Variants in ZC3H12B observed in about 807,000 individuals in gnomAD.
ZC3H12B encodes the protein zinc finger CCCH-type containing 12B.
ZC3H12B carries 7 observed loss-of-function variants against 43.9 expected under a neutral mutation model. The observed-to-expected ratio is 0.16, with a 90% CI of 0.09 to 0.30. ZC3H12B has a LOEUF of 0.30. Among genes scored for constraint, ZC3H12B ranks in the 10% least tolerant of loss-of-function variants. The probability of loss-of-function intolerance (pLI) is 1.00; values close to 1 mark genes in which losing one functional copy is unlikely to be tolerated. For synonymous variants in ZC3H12B, 222 were observed against 241.7 expected, an observed-to-expected ratio of 0.92 and a Z score of 0.76; for missense variants, 475 against 670.2, an observed-to-expected ratio of 0.71 and a Z score of 3.22.
chrX:65,183,592 T>A, the ZC3H12B span, among the ~76,000 whole-genome samples: 1 of 112,112 alleles, frequency 8.9e-6, no homozygotes, highest in Non-Finnish European at 1.9e-5. Context: ...AACAGTCTTA[T>A]GGTTGTGGAA....
At chrX:65,320,382 C>G in the ZC3H12B span, among the ~76,000 whole-genome samples, 1 of 111,402 alleles carries the variant, frequency 9.0e-6, no homozygotes, top group Non-Finnish European at 1.9e-5. Flanking sequence ...AAACACTGTT[C>G]AAAGGAATCA....
chrX:65,486,667 A>G (rs1327508711), upstream of ZC3H12B, among the ~76,000 whole-genome samples: 1 of 112,528 alleles, frequency 8.9e-6, no homozygotes, highest in Non-Finnish European at 1.9e-5. Flanking sequence ...CTTCCACAAT[A>G]ATAACAAGTA....
intron 2 of ZC3H12B, among the ~76,000 whole-genome samples, chrX:65,386,486 G>A (rs1212646964): frequency 9.0e-6 from 1 of 111,519 alleles, no homozygotes; most frequent in Non-Finnish European, 1.9e-5. Context: ...TGGTATCAGT[G>A]GTGATATCCC....
At chrX:65,090,203 G>A in the ZC3H12B span, among the ~76,000 whole-genome samples, 15 of 111,917 alleles carry the variant, frequency 1.3e-4, no homozygotes, top group Admixed American at 3.8e-4. Context: ...AATGCCTTGT[G>A]CTACATTGTT....
chrX:65,489,381 G>T, exon 1 of ZC3H12B: 1 of 1,202,261 alleles, frequency 8.3e-7, no homozygotes, highest in Non-Finnish European at 1.1e-6. Context: ...GAGGCCAGTT[G>T]TCATTGATGG....
At chrX:65,243,659 T>G in the ZC3H12B span, among the ~76,000 whole-genome samples, 1 of 112,167 alleles carries the variant, frequency 8.9e-6, no homozygotes. Context: ...ATTCAAGAGA[T>G]ATCTGCACTT....
At chrX:65,412,600 T>C (rs1342830992) in intron 3 of ZC3H12B, among the ~76,000 whole-genome samples, 1 of 111,113 alleles carries the variant, frequency 9.0e-6, no homozygotes, top group Non-Finnish European at 1.9e-5. Context: ...CCCAAGTAGC[T>C]GGGACTGCGG....
the ZC3H12B span, among the ~76,000 whole-genome samples, chrX:65,299,192 T>C: frequency 8.9e-6 from 1 of 112,334 alleles, no homozygotes; most frequent in African/African-American, 3.2e-5. Context: ...GGTTGACTAG[T>C]GAATTTTCCC....
the ZC3H12B span, among the ~76,000 whole-genome samples, chrX:65,301,777 A>G: frequency 9.0e-6 from 1 of 111,349 alleles, no homozygotes; most frequent in Admixed American, 9.5e-5. Context: ...TGATGGGTGC[A>G]CCAAAATCTC....
the ZC3H12B span, among the ~76,000 whole-genome samples, chrX:65,113,233 A>G: frequency 8.9e-6 from 1 of 111,836 alleles, no homozygotes; most frequent in Admixed American, 9.5e-5. Context: ...GTTGCTTCTT[A>G]TGGCTCAGCA....
At chrX:65,414,289 G>C (rs1425681793) in intron 3 of ZC3H12B, among the ~76,000 whole-genome samples, 4 of 110,388 alleles carry the variant, frequency 3.6e-5, no homozygotes, top group Admixed American at 9.7e-5. Flanking sequence ...GGAAGGGTTT[G>C]AGAAGTATTG....
the ZC3H12B span, among the ~76,000 whole-genome samples, chrX:65,161,359 G>A: frequency 2.7e-5 from 3 of 111,232 alleles, no homozygotes; most frequent in Admixed American, 9.6e-5. Flanking sequence ...GTTGACAGTG[G>A]GGTGTTAAAA....
chrX:65,320,064 G>A, the ZC3H12B span, among the ~76,000 whole-genome samples: 1 of 111,337 alleles, frequency 9.0e-6, no homozygotes, highest in South Asian at 3.8e-4. Flanking sequence ...AATCAGGCAA[G>A]AGAAAGACAT....
the ZC3H12B span, among the ~76,000 whole-genome samples, chrX:65,095,844 G>T: frequency 9.0e-6 from 1 of 110,757 alleles, no homozygotes; most frequent in Non-Finnish European, 1.9e-5. Context: ...AGTGCAGGGG[G>T]CCATGCTCAT....
the ZC3H12B span, among the ~76,000 whole-genome samples, chrX:65,248,868 T>C: frequency 8.9e-6 from 1 of 112,320 alleles, no homozygotes; most frequent in South Asian, 3.7e-4. Context: ...GTTGGTCATT[T>C]GTATATATTC....
At chrX:65,229,543 T>C in the ZC3H12B span, among the ~76,000 whole-genome samples, 1 of 111,075 alleles carries the variant, frequency 9.0e-6, no homozygotes, top group Non-Finnish European at 1.9e-5. Flanking sequence ...TGGGATCCAA[T>C]TAAACTAAAG....
chrX:65,348,237 A>T, the ZC3H12B span, among the ~76,000 whole-genome samples: 3 of 112,386 alleles, frequency 2.7e-5, no homozygotes, highest in African/African-American at 9.7e-5. Context: ...TAATTAAAAA[A>T]TAATCAAAAA....
intron 3 of ZC3H12B, among the ~76,000 whole-genome samples, chrX:65,481,277 G>A (rs920878745): frequency 9.0e-6 from 1 of 111,639 alleles, no homozygotes; most frequent in African/African-American, 3.3e-5. Context: ...TATTCCCCTA[G>A]CATTTATAAA....
chrX:65,301,679 G>T, the ZC3H12B span, among the ~76,000 whole-genome samples: 1 of 111,170 alleles, frequency 9.0e-6, no homozygotes. Context: ...GCATAAGAAT[G>T]ATACCATGGA....
Sources: allele counts gnomAD v4.1 joint callset (sites outside exome capture counted in the v4.1 genomes callset), GRCh38; gene constraint gnomAD v4.1.1; transcripts MANE v1.5; gene names NCBI Gene and HGNC (gene_info 2026-07-23, HGNC 2026-07-21).